The following FAM227A variants were observed in gnomAD, a reference collection of about 807,000 sequenced individuals.
FAM227A encodes family with sequence similarity 227 member A, also known as protein FAM227A.
Under a neutral mutation model 74.7 loss-of-function variants are expected in FAM227A, and 80 were observed. That is an observed-to-expected ratio of 1.07 (90% CI 0.89 to 1.29). FAM227A has a LOEUF of 1.29. Ranked by LOEUF, FAM227A falls within the 50% of genes most tolerant of loss-of-function variation. The pLI is 0.00. For missense variants in FAM227A, 654 were observed against 683.4 expected, an observed-to-expected ratio of 0.96 and a Z score of 0.48; for synonymous variants, 237 against 241.8, an observed-to-expected ratio of 0.98 and a Z score of 0.19.
Position 38,639,735 on chromosome 22 carries a change from C to A in FAM227A, c.226-11G>T. On this transcript the variant is annotated splice_polypyrimidine_tract_variant and intron_variant, in intron 3 of 16. Transcript: ENST00000535113. ...AAATCTCTCAATTGCCTTCAAAAACCAAGAAAAAGGGGGGCATTAGGGATT... is the reference window on the plus strand; with the variant it reads ...AAATCTCTCAATTGCCTTCAAAAACAAAGAAAAAGGGGGGCATTAGGGATT... 6.5e-7 allele frequency: 1 copy of A among 1,527,514 alleles called. No individual in the cohort carries two copies. The highest frequency in any genetic ancestry group is 1.2e-5 in the South Asian group (1 of 83,568). 94.6% of individuals were successfully genotyped at this position (1,527,514 alleles called of 1,614,324 possible).
At chr22:38,600,587 C>T (rs1419220069) in intron 13 of FAM227A, among the ~76,000 whole-genome samples, 1 of 151,972 alleles carries the variant, frequency 6.6e-6, no homozygotes, top group Non-Finnish European at 1.5e-5. Context: ...ATCTGCCCGC[C>T]TTGGCCTCCC....
At chr22:38,617,697 AG>A (rs1487580544) in intron 11 of FAM227A, among the ~76,000 whole-genome samples, 1 of 152,168 alleles carries the variant, frequency 6.6e-6, no homozygotes, top group Non-Finnish European at 1.5e-5. Flanking sequence ...ATGTTGTCCT[AG>A]GGTTTAAAGA....
At chr22:38,625,141 G>A (rs181876934) in intron 9 of FAM227A, among the ~76,000 whole-genome samples, 446 of 152,244 alleles carry the variant, frequency 2.9e-3, no homozygotes, top group Non-Finnish European at 4.3e-3. Context: ...TGTAATCCCA[G>A]CACTTTGGGA....
At position 38,591,547 on chromosome 22, in the gene FAM227A, G is replaced by C. The variant is rs1395571899; in HGVS notation, c.1533-7C>G. 6.5e-7 allele frequency: 1 copy of C among 1,533,452 alleles called. No individual in the cohort carries two copies. The highest frequency in any genetic ancestry group is 2.1e-5 in the Admixed American group (1 of 47,906). The allele number at this position is 1,533,452 out of a possible 1,614,324, so 95.0% of individuals were successfully genotyped here. ...ATCAATATTCTTCATTTCCCTGGGA[G>C]GAAAACACAGAGACATATGGAAAAA... is the stretch of plus-strand genomic sequence containing the variant. On this transcript the variant is annotated splice_polypyrimidine_tract_variant and splice_region_variant and intron_variant, in intron 15 of 16. Coordinates refer to ENST00000535113, the MANE Select transcript of FAM227A (RefSeq NM_001013647.2).
At chr22:38,589,568 C>T (rs772041982) in intron 16 of FAM227A, among the ~76,000 whole-genome samples, 3 of 152,020 alleles carry the variant, frequency 2.0e-5, no homozygotes, top group Admixed American at 1.3e-4. Context: ...ACCTCAGTGA[C>T]GCATATTAAG....
In FAM227A at chr22:38,582,234, C is replaced by T; in HGVS notation, c.*3891G>A. On this transcript the variant is annotated 3_prime_UTR_variant, in exon 17 of 17. Transcript: ENST00000535113. ...TTCCAGCTTCCCTCCTATCCCCTCT[C>T]CAGCTATCCCTCCTGTTCTTCAGGA... 8.8e-7 allele frequency: 1 copy of T among 1,137,384 alleles called. No individual in the cohort carries two copies. Among genetic ancestry groups the T allele is most frequent in the Non-Finnish European group, 1.2e-6 (1 of 802,800 alleles). The allele number at this position is 1,137,384 out of a possible 1,614,324, so 70.5% of individuals were successfully genotyped here. A position where few individuals can be genotyped will look rare whatever the true frequency, so the allele number is the denominator to read the frequency against.
chr22:38,617,832 T>TA (rs1219231576), intron 11 of FAM227A, among the ~76,000 whole-genome samples: 8 of 151,946 alleles, frequency 5.3e-5, no homozygotes, highest in African/African-American at 7.3e-5. Flanking sequence ...ACTTCTCTAT[T>TA]AAAAATTCAT....
At chr22:38,624,224 G>T (rs1318626141) in intron 9 of FAM227A, among the ~76,000 whole-genome samples, 1 of 152,060 alleles carries the variant, frequency 6.6e-6, no homozygotes, top group African/African-American at 2.4e-5. Context: ...GACCAACATG[G>T]TGAAACCCCA....
chr22:38,601,798 AGGGC>A (rs2091184449), intron 13 of FAM227A, among the ~76,000 whole-genome samples: 1 of 152,110 alleles, frequency 6.6e-6, no homozygotes, highest in Non-Finnish European at 1.5e-5. Flanking sequence ...AGAAGAGTCT[AGGGC>A]GGCTCAGAGG....
chr22:38,635,213 A>G (rs1386339220), intron 6 of FAM227A, among the ~76,000 whole-genome samples: 1 of 133,080 alleles, frequency 7.5e-6, no homozygotes, highest in Admixed American at 8.4e-5. Flanking sequence ...CTGGCGACAG[A>G]GCGAGACTCT....
intron 6 of FAM227A, among the ~76,000 whole-genome samples, chr22:38,634,342 C>T (rs1038225543): frequency 2.0e-5 from 3 of 151,552 alleles, no homozygotes; most frequent in African/African-American, 7.3e-5. Flanking sequence ...CTTTTATCAT[C>T]ACATTTTATC....
intron 11 of FAM227A, among the ~76,000 whole-genome samples, chr22:38,616,102 A>G (rs1241510213): frequency 6.6e-6 from 1 of 152,196 alleles, no homozygotes; most frequent in Non-Finnish European, 1.5e-5. Context: ...GAAAGAGTAG[A>G]CTGACAGGAC....
intron 13 of FAM227A, among the ~76,000 whole-genome samples, 154 bp downstream of exon 13, chr22:38,605,100 G>A (rs929129858): frequency 1.3e-5 from 2 of 152,144 alleles, no homozygotes; most frequent in South Asian, 2.1e-4. Context: ...TCAGAGGACT[G>A]TGACAGTAGA....
intron 1 of FAM227A, 67 bp from the exon 2 acceptor site, chr22:38,650,329 C>T (rs2145743850): frequency 1.5e-6 from 1 of 654,100 alleles, no homozygotes; most frequent in Middle Eastern, 4.2e-4. Flanking sequence ...CCATGTTCCC[C>T]AGCTACACAG....
At chr22:38,645,877 G>A (rs1029093891) in intron 2 of FAM227A, among the ~76,000 whole-genome samples, 12 of 151,948 alleles carry the variant, frequency 7.9e-5, no homozygotes, top group Admixed American at 5.9e-4. Flanking sequence ...CAGACCTCCC[G>A]GGCTCAATCG....
intron 11 of FAM227A, among the ~76,000 whole-genome samples, chr22:38,613,139 A>ATAT (rs2091465795): frequency 3.4e-5 from 3 of 87,730 alleles, no homozygotes; most frequent in African/African-American, 1.5e-4. Flanking sequence ...TATATATAAT[A>ATAT]TATATATTAT....
At chr22:38,625,843 T>A (rs1049229918) in intron 9 of FAM227A, among the ~76,000 whole-genome samples, 4 of 149,648 alleles carry the variant, frequency 2.7e-5, no homozygotes, top group Admixed American at 6.7e-5. Context: ...CTCAGGAGGC[T>A]GAGGCAGGAG....
chr22:38,598,567 G>A (rs917488526), intron 14 of FAM227A, among the ~76,000 whole-genome samples: 3 of 152,182 alleles, frequency 2.0e-5, no homozygotes, highest in Admixed American at 2.0e-4. Flanking sequence ...ATGTAAATAA[G>A]TTTGCGGACA....
Position 38,647,456 on chromosome 22 carries a change from AAAACAACG to A in FAM227A, c.143-1819_143-1812del, listed in dbSNP as rs751565777. 2.5e-4 allele frequency among the ~76,000 whole-genome samples: 38 copies of A among 152,098 alleles called. No individual in the cohort carries two copies. In the South Asian group the frequency reaches 7.9e-3, roughly 32 times the overall value. Reference sequence around the variant, plus strand: ...TCCAGCCTGAGTGACAAAAAAAAACAAAACAACGAAACAACAAAAAAAAGAAAAATAAA... The same window carrying A: ...TCCAGCCTGAGTGACAAAAAAAAACAAAACAACAAAAAAAAGAAAAATAAA... On this transcript the variant is annotated intron_variant, in intron 2 of 16. Transcript: ENST00000535113.
Sources: allele counts gnomAD v4.1 joint callset (sites outside exome capture counted in the v4.1 genomes callset), GRCh38; gene constraint gnomAD v4.1.1; transcripts MANE v1.5; gene names NCBI Gene and HGNC (gene_info 2026-07-23, HGNC 2026-07-21).